The following NTM variants were observed in gnomAD, a reference collection of about 807,000 sequenced individuals.
NTM encodes the protein neurotrimin, also known as IgLON family member 2.
Under a neutral mutation model 42.1 loss-of-function variants are expected in NTM, and 13 were observed. The observed-to-expected ratio is 0.31, with a 90% confidence interval of 0.20 to 0.49. The LOEUF is 0.49. Ranked by LOEUF, NTM falls within the 20% of genes least tolerant of loss-of-function variation. The pLI is 0.99. For synonymous variants in NTM, 187 were observed against 179.2 expected (o/e 1.04, Z -0.35); for missense variants, 373 against 452.8 (o/e 0.82, Z 1.60).
intron 2 of NTM, among the ~76,000 whole-genome samples, chr11:132,038,521 G>A (rs1195827360): frequency 1.3e-5 from 2 of 151,966 alleles, no homozygotes; most frequent in Non-Finnish European, 2.9e-5. Flanking sequence ...TTCCCTGACT[G>A]TAAAGAGGGG....
intron 1 of NTM, among the ~76,000 whole-genome samples, chr11:131,380,589 T>C (rs1942552105): frequency 6.6e-6 from 1 of 152,282 alleles, no homozygotes; most frequent in East Asian, 1.9e-4. Context: ...CCTGTTAGTG[T>C]AGGTGACCTA....
chr11:131,388,339 C>G (rs1452258471), intron 1 of NTM, among the ~76,000 whole-genome samples: 1 of 151,682 alleles, frequency 6.6e-6, no homozygotes, highest in Non-Finnish European at 1.5e-5. Context: ...AAATCCAGGA[C>G]ACCAGATATA....
chr11:131,912,261 C>T (rs1285390758), intron 2 of NTM, among the ~76,000 whole-genome samples: 2 of 152,134 alleles, frequency 1.3e-5, no homozygotes, highest in African/African-American at 4.8e-5. Flanking sequence ...TCTGATTTGT[C>T]CGTGGAAAAT....
chr11:131,531,015 C>CGA (rs921224754), intron 1 of NTM, among the ~76,000 whole-genome samples: 2 of 152,156 alleles, frequency 1.3e-5, no homozygotes, highest in Non-Finnish European at 2.9e-5. Context: ...GTGCCTGCCA[C>CGA]GAGCAACGGC....
intron 1 of NTM, among the ~76,000 whole-genome samples, chr11:131,530,103 G>A (rs751445623): frequency 8.1e-4 from 124 of 152,156 alleles, no homozygotes; most frequent in Non-Finnish European, 1.3e-3. Context: ...CCTTCCACAC[G>A]TCAGATAGAA....
chr11:131,810,561 T>C (rs1243070626), intron 1 of NTM, among the ~76,000 whole-genome samples: 1 of 152,194 alleles, frequency 6.6e-6, no homozygotes, highest in Non-Finnish European at 1.5e-5. Flanking sequence ...ACCATGCTTG[T>C]GTCTGAATGG....
chr11:131,475,927 A>G (rs1952887951), intron 1 of NTM, among the ~76,000 whole-genome samples: 1 of 152,206 alleles, frequency 6.6e-6, no homozygotes, highest in Admixed American at 6.5e-5. Context: ...TTGACCACCT[A>G]TTATGCAGAC....
chr11:131,425,249 G>A (rs1384643258), intron 1 of NTM, among the ~76,000 whole-genome samples: 1 of 151,282 alleles, frequency 6.6e-6, no homozygotes, highest in Non-Finnish European at 1.5e-5. Flanking sequence ...GGTGGGCTGA[G>A]AAATAATTCA....
intron 1 of NTM, among the ~76,000 whole-genome samples, chr11:131,673,233 C>T (rs760533347): frequency 2.0e-5 from 3 of 152,122 alleles, no homozygotes; most frequent in Non-Finnish European, 4.4e-5. Flanking sequence ...CACTGGGGTA[C>T]AGCTGGTGAC....
At position 132,003,151 on chromosome 11, in the gene NTM, C is replaced by T. The variant is rs574254816; in HGVS notation, c.167+91503C>T. ...TTCCTCCTTCACCCTAATGCTAGCC[C>T]GGTTCTGAGCCAGAGTTATTTCGCT... On this transcript the variant is annotated intron_variant, in intron 2 of 8. Coordinates refer to ENST00000683400, the MANE Select transcript of NTM (RefSeq NM_001352005.2). This position sits in a 1 kb window ranked among gnomAD's most constrained non-coding sequence, Gnocchi z 6.0. Among the ~76,000 whole-genome samples the T allele has an allele frequency of 5.3e-5, 8 of 152,196 alleles. No homozygotes were observed. The East Asian group carries it at 9.7e-4, about 18-fold the overall frequency.
At chr11:131,807,278 G>A (rs541051790) in intron 1 of NTM, among the ~76,000 whole-genome samples, 44 of 152,340 alleles carry the variant, frequency 2.9e-4, no homozygotes, top group African/African-American at 9.4e-4. Flanking sequence ...AGCTTTTAAA[G>A]GTTATTTGAA....
intron 1 of NTM, among the ~76,000 whole-genome samples, chr11:131,407,540 G>T (rs1024084770): frequency 6.6e-6 from 1 of 152,188 alleles, no homozygotes; most frequent in South Asian, 2.1e-4. Context: ...GGTCAGCCAG[G>T]GGAGGAGGAG....
intron 1 of NTM, among the ~76,000 whole-genome samples, chr11:131,384,249 C>T (rs1315841191): frequency 6.6e-6 from 1 of 152,098 alleles, no homozygotes. Flanking sequence ...AGGGCAAACA[C>T]TAGTCTTTAA....
intron 1 of NTM, among the ~76,000 whole-genome samples, chr11:131,549,617 G>T (rs543735299): frequency 6.6e-6 from 1 of 152,066 alleles, no homozygotes; most frequent in Non-Finnish European, 1.5e-5. Flanking sequence ...GAACTAGCCC[G>T]CCCAAGCCAC....
intron 3 of NTM, among the ~76,000 whole-genome samples, chr11:132,147,777 C>T (rs2070874445): frequency 6.6e-6 from 1 of 152,008 alleles, no homozygotes; most frequent in Admixed American, 6.6e-5. Flanking sequence ...TCCACCAGTC[C>T]CCTTGTCGGT....
chr11:131,415,627 C>T (rs1946864555), intron 1 of NTM, among the ~76,000 whole-genome samples: 1 of 152,216 alleles, frequency 6.6e-6, no homozygotes, highest in Middle Eastern at 3.4e-3. Flanking sequence ...AGACAGTAGC[C>T]ACCTATCACC....
chr11:132,088,866 C>CT (rs1458200268), intron 2 of NTM, among the ~76,000 whole-genome samples: 2 of 151,740 alleles, frequency 1.3e-5, no homozygotes, highest in Non-Finnish European at 2.9e-5. Flanking sequence ...TCAATGCAGT[C>CT]TTTTTTGCAT....
chr11:131,846,343 T>A (rs980958774), intron 1 of NTM, among the ~76,000 whole-genome samples: 1 of 152,196 alleles, frequency 6.6e-6, no homozygotes, highest in Admixed American at 6.5e-5. Flanking sequence ...TGGATTTTTA[T>A]TGGTTTTCTA....
intron 1 of NTM, among the ~76,000 whole-genome samples, chr11:131,542,503 C>T (rs890894629): frequency 1.7e-4 from 26 of 152,178 alleles, no homozygotes; most frequent in African/African-American, 5.6e-4. Context: ...AGAAATGTGG[C>T]GACATCTTGA....
Sources: gnomAD v4.1 joint callset for allele counts (sites outside exome capture counted in the v4.1 genomes callset) on GRCh38, gnomAD v4.1.1 for gene constraint, Gnocchi (gnomAD v3.1) non-coding constraint, MANE v1.5 for transcripts, NCBI Gene and HGNC (gene_info 2026-07-23, HGNC 2026-07-21) for gene names.